Variants in LEKR1 observed in about 807,000 individuals in gnomAD.
The protein encoded by LEKR1 is protein LEKR1.
A neutral mutation model predicts 72.4 loss-of-function variants in LEKR1; 59 were observed. That is an observed-to-expected ratio of 0.82 (90% CI 0.66 to 1.01). LEKR1 has a LOEUF of 1.01. Among genes scored for constraint, LEKR1 ranks in the 50% least tolerant of loss-of-function variants. The pLI, the probability that LEKR1 is intolerant of heterozygous loss-of-function variation, is 0.00. For missense variants in LEKR1, 728 were observed against 759.2 expected (o/e 0.96, Z 0.48); for synonymous variants, 257 against 263.2 (o/e 0.98, Z 0.23).
intron 5 of LEKR1, among the ~76,000 whole-genome samples, chr3:156,937,756 G>A (rs2108579438): frequency 6.6e-6 from 1 of 152,166 alleles, no homozygotes; most frequent in South Asian, 2.1e-4. Context: ...GCCCCAAATT[G>A]GAAACAACCC....
At chr3:156,871,872 C>G (rs189355275) in intron 3 of LEKR1, among the ~76,000 whole-genome samples, 2 of 152,146 alleles carry the variant, frequency 1.3e-5, no homozygotes, top group South Asian at 2.1e-4. Flanking sequence ...TTATGTTCAT[C>G]AGGGATATTG....
At chr3:157,044,304 T>G (rs560931269) in intron 12 of LEKR1, among the ~76,000 whole-genome samples, 1 of 152,232 alleles carries the variant, frequency 6.6e-6, no homozygotes, top group Admixed American at 6.5e-5. Context: ...CATAAAGACA[T>G]GAATGTCAGG....
intron 2 of LEKR1, among the ~76,000 whole-genome samples, chr3:156,847,985 GC>G (rs1714835276): frequency 6.6e-6 from 1 of 152,166 alleles, no homozygotes; most frequent in Non-Finnish European, 1.5e-5. Context: ...TCATCAGGCT[GC>G]AAATCTACTC....
At chr3:156,890,992 T>A (rs1333898782) in intron 3 of LEKR1, among the ~76,000 whole-genome samples, 2 of 151,692 alleles carry the variant, frequency 1.3e-5, no homozygotes, top group East Asian at 3.9e-4. Flanking sequence ...CCCGAGTAGC[T>A]GGGATTACAG....
intron 5 of LEKR1, among the ~76,000 whole-genome samples, chr3:156,934,254 C>T (rs1725500190): frequency 6.6e-6 from 1 of 152,138 alleles, no homozygotes. Flanking sequence ...TTGCTGAGTG[C>T]TGTATTACTA....
intron 9 of LEKR1, among the ~76,000 whole-genome samples, chr3:156,995,534 A>G (rs1399552726): frequency 6.6e-6 from 1 of 152,212 alleles, no homozygotes; most frequent in East Asian, 1.9e-4. Flanking sequence ...TGTCTGTCAC[A>G]TAATAAAAAT....
At position 157,034,050 on chromosome 3, in the gene LEKR1, G is replaced by GAA. The variant is rs35643684; in HGVS notation, c.1668+5660_1668+5661dup. 2.0e-3 allele frequency among the ~76,000 whole-genome samples: 288 copies of GAA among 147,444 alleles called. 2 individuals are homozygous for GAA. Among genetic ancestry groups the GAA allele is most frequent in the Non-Finnish European group, 2.4e-3 (161 of 66,812 alleles). ...TAAGCCTGTTGATACCTACTGTTCA[G>GAA]AAAAAAAAAAAAATCCCTTTCAAAA... On this transcript the variant is annotated intron_variant, in intron 12 of 12. Transcript: ENST00000356539.
chr3:156,970,402 C>T (rs938879812), intron 6 of LEKR1, among the ~76,000 whole-genome samples: 1 of 152,144 alleles, frequency 6.6e-6, no homozygotes, highest in African/African-American at 2.4e-5. Flanking sequence ...GAAGTCCTTG[C>T]CCATGCCTAT....
chr3:157,038,853 T>A (rs1346766250), intron 12 of LEKR1, among the ~76,000 whole-genome samples: 1 of 152,234 alleles, frequency 6.6e-6, no homozygotes, highest in Non-Finnish European at 1.5e-5. Flanking sequence ...GTGAAACATC[T>A]GAATGTTCAC....
At chr3:156,972,257 C>T (rs1353842361) in intron 6 of LEKR1, among the ~76,000 whole-genome samples, 7 of 151,724 alleles carry the variant, frequency 4.6e-5, no homozygotes, top group East Asian at 1.9e-4. Flanking sequence ...AACCAAACAC[C>T]GCATGTTCTC....
chr3:157,031,194 A>G (rs1174206060), intron 12 of LEKR1, among the ~76,000 whole-genome samples: 1 of 152,164 alleles, frequency 6.6e-6, no homozygotes, highest in Non-Finnish European at 1.5e-5. Context: ...TTCATCGACA[A>G]AAGGAGCTGC....
At chr3:156,884,645 C>T (rs1402989192) in intron 3 of LEKR1, among the ~76,000 whole-genome samples, 1 of 152,182 alleles carries the variant, frequency 6.6e-6, no homozygotes, top group Non-Finnish European at 1.5e-5. Context: ...GCTTAGAAGT[C>T]TGCTGTTAAT....
chr3:156,971,636 A>C (rs1260558829), intron 6 of LEKR1, among the ~76,000 whole-genome samples: 1 of 152,136 alleles, frequency 6.6e-6, no homozygotes, highest in Non-Finnish European at 1.5e-5. Context: ...ACTCAAACAA[A>C]TTTACAAGAA....
chr3:156,870,969 A>ATTC (rs1340084950), intron 3 of LEKR1, among the ~76,000 whole-genome samples: 1 of 151,808 alleles, frequency 6.6e-6, no homozygotes, highest in Non-Finnish European at 1.5e-5. Flanking sequence ...TATTATTATT[A>ATTC]TTATACTTTA....
In LEKR1 at chr3:156,882,128, A is replaced by C. The variant is rs1185973244; in HGVS notation, c.263+29146A>C. On this transcript the variant is annotated intron_variant, in intron 3 of 12. Coordinates refer to ENST00000356539, the MANE Select transcript of LEKR1 (RefSeq NM_001004316.3). ...TGTCTAAAACACCAAAAGCAATGGCAACAAAAGACAAAATTGACAAATGGG... is the reference window on the plus strand; with the variant it reads ...TGTCTAAAACACCAAAAGCAATGGCCACAAAAGACAAAATTGACAAATGGG... 8.7e-5 allele frequency among the ~76,000 whole-genome samples: 13 copies of C among 150,272 alleles called. 1 individual carries two copies. Among genetic ancestry groups the C allele is most frequent in the African/African-American group, 3.2e-4 (13 of 40,908 alleles).
At chr3:157,009,509 T>A (rs1447550840) in intron 9 of LEKR1, among the ~76,000 whole-genome samples, 1 of 152,116 alleles carries the variant, frequency 6.6e-6, no homozygotes, top group Non-Finnish European at 1.5e-5. Context: ...TGGAAAATAA[T>A]GATGTATTTT....
chr3:156,930,040 T>C (rs1725063501), intron 5 of LEKR1, among the ~76,000 whole-genome samples: 2 of 152,192 alleles, frequency 1.3e-5, no homozygotes. Flanking sequence ...AAGTGTGGTT[T>C]GGCAGAACAA....
intron 3 of LEKR1, among the ~76,000 whole-genome samples, chr3:156,860,969 A>G (rs1373771284): frequency 2.0e-5 from 3 of 152,168 alleles, no homozygotes; most frequent in Admixed American, 6.6e-5. Flanking sequence ...GTCAGGGGAA[A>G]TGCTTATATT....
At chr3:157,011,289 T>C in intron 9 of LEKR1, 124 bp from the exon 10 acceptor site, 1 of 656,248 alleles carries the variant, frequency 1.5e-6, no homozygotes, top group Non-Finnish European at 2.7e-6. Flanking sequence ...AGTAGCAGCA[T>C]ATATACTGCT....
Sources: allele counts gnomAD v4.1 joint callset (sites outside exome capture counted in the v4.1 genomes callset), GRCh38; gene constraint gnomAD v4.1.1; transcripts MANE v1.5; gene names NCBI Gene and HGNC (gene_info 2026-07-23, HGNC 2026-07-21).